SLC16A7: variants seen among roughly 807,000 people sequenced by gnomAD.
SLC16A7 encodes solute carrier family 16 member 7, also known as monocarboxylate transporter 2.
Under a neutral mutation model 34.9 loss-of-function variants are expected in SLC16A7, and 33 were observed. The ratio of observed to expected loss-of-function variants is 0.94; its 90% CI spans 0.72 to 1.26. SLC16A7 has a LOEUF of 1.26. SLC16A7 is among the 50% of genes most tolerant of loss of function. SLC16A7 has a pLI of 0.00. For synonymous variants in SLC16A7, 201 were observed against 206.6 expected, an observed-to-expected ratio of 0.97 and a Z score of 0.23; for missense variants, 573 against 578.1, an observed-to-expected ratio of 0.99 and a Z score of 0.09.
At chr12:59,704,199 C>CA (rs34021022) in intron 2 of SLC16A7, among the ~76,000 whole-genome samples, 1,577 of 51,160 alleles carry the variant, frequency 0.031, 44 homozygotes, top group Admixed American at 0.1. Flanking sequence ...GACTCTGTCT[C>CA]AAAAAAAAAA....
intron 1 of SLC16A7, among the ~76,000 whole-genome samples, chr12:59,629,386 A>G (rs946310945): frequency 2.6e-5 from 4 of 151,958 alleles, no homozygotes; most frequent in African/African-American, 9.7e-5. Flanking sequence ...GTTTTCTCAA[A>G]TAATTATAAT....
intron 3 of SLC16A7, among the ~76,000 whole-genome samples, chr12:59,735,473 G>C (rs1877481298): frequency 6.6e-6 from 1 of 152,180 alleles, no homozygotes. Flanking sequence ...GCAGCCATTA[G>C]TAGTAAGCTG....
chr12:59,701,694 G>A (rs912668163), intron 2 of SLC16A7, among the ~76,000 whole-genome samples: 2 of 151,510 alleles, frequency 1.3e-5, no homozygotes, highest in African/African-American at 4.8e-5. Flanking sequence ...TTTCCTATGG[G>A]CATAGTTTCC....
At chr12:59,773,986 A>T (rs886487318) in intron 4 of SLC16A7, among the ~76,000 whole-genome samples, 1 of 152,228 alleles carries the variant, frequency 6.6e-6, no homozygotes, top group Non-Finnish European at 1.5e-5. Flanking sequence ...CTCCCTAGAC[A>T]GTGGGACTTT....
At chr12:59,739,862 A>C (rs1410922723) in intron 3 of SLC16A7, among the ~76,000 whole-genome samples, 1 of 152,094 alleles carries the variant, frequency 6.6e-6, no homozygotes, top group Non-Finnish European at 1.5e-5. Flanking sequence ...TTGTCTGTTC[A>C]TGTCCTTCAC....
rs144397019 is a variant in SLC16A7 at position 59,647,122 on chromosome 12, C to T, written c.-129-8030C>T. Among the ~76,000 whole-genome samples the T allele has an allele frequency of 4.1e-3, 631 of 152,054 alleles. 5 individuals carry two copies. Among genetic ancestry groups the T allele is most frequent in the African/African-American group, 0.014 (598 of 41,466 alleles). On this transcript the variant is annotated intron_variant, in intron 1 of 5. Transcript: ENST00000547379. Reference sequence around the variant, plus strand: ...GAAATGAGTTAAGACTTTGGAGAATCGTTGGGAAGGGCATGATTGTATTTT... The same window carrying T: ...GAAATGAGTTAAGACTTTGGAGAATTGTTGGGAAGGGCATGATTGTATTTT...
chr12:59,629,698 T>C (rs989809407), intron 1 of SLC16A7, among the ~76,000 whole-genome samples: 1 of 151,940 alleles, frequency 6.6e-6, no homozygotes, highest in Non-Finnish European at 1.5e-5. Flanking sequence ...ACATATGCTG[T>C]ATGACTTTCT....
At chr12:59,644,157 G>A (rs926694812) in intron 1 of SLC16A7, among the ~76,000 whole-genome samples, 2 of 145,762 alleles carry the variant, frequency 1.4e-5, no homozygotes, top group East Asian at 4.5e-4. Flanking sequence ...TAGTAAAGGT[G>A]GGTGGTCAAA....
chr12:59,700,726 G>A (rs1170757899), intron 2 of SLC16A7, among the ~76,000 whole-genome samples: 1 of 151,620 alleles, frequency 6.6e-6, no homozygotes, highest in Non-Finnish European at 1.5e-5. Flanking sequence ...CCTTTTGGTA[G>A]AGAAAGAGTG....
chr12:59,737,738 G>A (rs1877763387), intron 3 of SLC16A7, among the ~76,000 whole-genome samples: 1 of 152,078 alleles, frequency 6.6e-6, no homozygotes, highest in African/African-American at 2.4e-5. Context: ...ATTTTCCCTA[G>A]CTCTGAACCA....
Position 59,671,811 on chromosome 12 carries a change from A to G in SLC16A7, c.-31+16561A>G, listed in dbSNP as rs188591419. On this transcript the variant is annotated intron_variant, in intron 2 of 5. Coordinates refer to ENST00000547379, the MANE Select transcript of SLC16A7 (RefSeq NM_001270623.2). ...TATATGTATATATGTATATATGTGT[A>G]TATATATGTGTATATGTATATATGT... Among the ~76,000 whole-genome samples, 34 of 133,646 alleles carry G rather than the reference A, an allele frequency of 2.5e-4. 1 individual carries two copies. Among genetic ancestry groups the G allele is most frequent in the African/African-American group, 9.4e-4 (31 of 33,138 alleles). The allele number at this position is 133,646 out of a possible 152,430, so 87.7% of individuals were successfully genotyped here. A position where few individuals can be genotyped will look rare whatever the true frequency, so the allele number is the denominator to read the frequency against.
intron 1 of SLC16A7, among the ~76,000 whole-genome samples, chr12:59,612,249 C>T (rs1424983302): frequency 1.3e-5 from 2 of 152,260 alleles, no homozygotes; most frequent in East Asian, 3.8e-4. Flanking sequence ...TTCTTGACTT[C>T]TGTGCAGTTA....
intron 2 of SLC16A7, among the ~76,000 whole-genome samples, chr12:59,660,971 A>C (rs1868817401): frequency 6.6e-6 from 1 of 152,166 alleles, no homozygotes; most frequent in Non-Finnish European, 1.5e-5. Context: ...TAAAAAGCCA[A>C]AACACATTAA....
chr12:59,615,728 C>T (rs1453891321), intron 1 of SLC16A7, among the ~76,000 whole-genome samples: 1 of 152,170 alleles, frequency 6.6e-6, no homozygotes. Context: ...CTGTTATTGG[C>T]CTGTTGCTGA....
intron 3 of SLC16A7, among the ~76,000 whole-genome samples, chr12:59,708,720 C>A (rs1873872990): frequency 6.7e-6 from 1 of 149,904 alleles, no homozygotes; most frequent in African/African-American, 2.5e-5. Flanking sequence ...GAGGCCTGGC[C>A]TGTGATGTCA....
chr12:59,735,303 T>C (rs961465529), intron 3 of SLC16A7, among the ~76,000 whole-genome samples: 3 of 152,212 alleles, frequency 2.0e-5, no homozygotes, highest in Non-Finnish European at 2.9e-5. Flanking sequence ...GTGTATTTCA[T>C]TGAATCATTT....
At chr12:59,763,824 TC>T (rs1347088645) in intron 3 of SLC16A7, 5 of 152,252 alleles carry the variant, frequency 3.3e-5, no homozygotes, top group African/African-American at 1.2e-4. Flanking sequence ...GTTATGGTTA[TC>T]TTTGATGTTG....
intron 3 of SLC16A7, among the ~76,000 whole-genome samples, chr12:59,754,568 G>A (rs1214589633): frequency 1.3e-5 from 2 of 152,034 alleles, no homozygotes. Context: ...AAGAAGTTGA[G>A]TCTCTGAATA....
chr12:59,605,077 TC>T (rs1310581401), intron 1 of SLC16A7, among the ~76,000 whole-genome samples: 1 of 152,180 alleles, frequency 6.6e-6, no homozygotes, highest in Non-Finnish European at 1.5e-5. Context: ...GGTATTGATC[TC>T]CTGACCTTTT....
Sources: gnomAD v4.1 joint callset for allele counts (sites outside exome capture counted in the v4.1 genomes callset) on GRCh38, gnomAD v4.1.1 for gene constraint, MANE v1.5 for transcripts, NCBI Gene and HGNC (gene_info 2026-07-23, HGNC 2026-07-21) for gene names.